LOXL2: variants seen among roughly 807,000 people sequenced by gnomAD.
The protein encoded by LOXL2 is lysyl oxidase homolog 2.
In LOXL2, 70 loss-of-function variants were observed where a neutral mutation model predicts 93.0. That is an observed-to-expected ratio of 0.75 (90% CI 0.62 to 0.92). LOXL2 has a LOEUF of 0.92. Among genes scored for constraint, LOXL2 ranks in the 40% least tolerant of loss-of-function variants. The pLI, the probability that LOXL2 is intolerant of heterozygous loss-of-function variation, is 0.00. For missense variants in LOXL2, 973 were observed against 1,054.9 expected, an observed-to-expected ratio of 0.92 and a Z score of 1.08; for synonymous variants, 438 against 413.2, an observed-to-expected ratio of 1.06 and a Z score of -0.73.
intron 6 of LOXL2, among the ~76,000 whole-genome samples, chr8:23,327,348 G>A (rs1585351219): frequency 6.6e-6 from 1 of 152,260 alleles, no homozygotes; most frequent in East Asian, 1.9e-4. Flanking sequence ...TGAGGCCCTG[G>A]GCTAGTGAGG....
At position 23,350,267 on chromosome 8, in the gene LOXL2, A is replaced by G. The variant is rs145061260; in HGVS notation, c.532-9064T>C. 1.1e-3 allele frequency among the ~76,000 whole-genome samples: 165 copies of G among 152,304 alleles called. 1 individual carries two copies. Among genetic ancestry groups the G allele is most frequent in the African/African-American group, 3.8e-3 (159 of 41,576 alleles). On this transcript the variant is annotated intron_variant, in intron 3 of 13. Transcript: ENST00000389131. ...ATTATCCCCTTTTGATGATCCAATC[A>G]GAAACTCTTAGTTTAAGAGGCTGCT...
chr8:23,384,452 G>T (rs1804726980), intron 1 of LOXL2, among the ~76,000 whole-genome samples: 1 of 152,206 alleles, frequency 6.6e-6, no homozygotes, highest in Non-Finnish European at 1.5e-5. Flanking sequence ...AGAACCAACA[G>T]GGAACGGCAA....
chr8:23,388,685 T>C lies in LOXL2; in HGVS notation c.-84+15269A>G, dbSNP rs149114279. On this transcript the variant is annotated intron_variant, in intron 1 of 13. Coordinates refer to ENST00000389131, the MANE Select transcript of LOXL2 (RefSeq NM_002318.3). The stretch of plus-strand genomic sequence containing the variant: ...CACACACACACTAGAAATGTACATT[T>C]ACTCCAAAGAATATACAATATTAGC... Among the ~76,000 whole-genome samples the C allele has an allele frequency of 2.6e-3, 385 of 149,420 alleles. 2 individuals are homozygous for C. The highest frequency in any genetic ancestry group is 9.2e-3 in the African/African-American group (373 of 40,738).
intron 1 of LOXL2, among the ~76,000 whole-genome samples, chr8:23,391,816 G>A (rs2117236556): frequency 6.6e-6 from 1 of 152,290 alleles, no homozygotes; most frequent in African/African-American, 2.4e-5. Context: ...GAGGGGTTTG[G>A]GTGGTTGGAA....
In LOXL2 at chr8:23,372,221, C is replaced by CTT. The variant is rs71210611; in HGVS notation, c.-83-3789_-83-3788dup. On this transcript the variant is annotated intron_variant, in intron 1 of 13. Coordinates refer to ENST00000389131, the MANE Select transcript of LOXL2 (RefSeq NM_002318.3). ...ACAATTCAGCTTTACATTTCTTTTTCTTTTTTTTTTTTGAGATGGAGTCTT... is the reference window on the plus strand; with the variant it reads ...ACAATTCAGCTTTACATTTCTTTTTCTTTTTTTTTTTTTTGAGATGGAGTCTT... Among the ~76,000 whole-genome samples, 183 of 145,342 alleles carry CTT rather than the reference C, an allele frequency of 1.3e-3. 1 individual carries two copies. The highest frequency in any genetic ancestry group is 3.3e-3 in the African/African-American group (129 of 39,458).
chr8:23,327,122 T>A lies in LOXL2; in HGVS notation c.1150+1260A>T, dbSNP rs115255228. On this transcript the variant is annotated intron_variant, in intron 6 of 13. Coordinates refer to ENST00000389131, the MANE Select transcript of LOXL2 (RefSeq NM_002318.3). Reference sequence around the variant, plus strand: ...CATTTCAGGACTCTCTCGAGGCCACTGGAATGCGGGCTTCCTTCCAACGTC... The same window carrying A: ...CATTTCAGGACTCTCTCGAGGCCACAGGAATGCGGGCTTCCTTCCAACGTC... Among the ~76,000 whole-genome samples the A allele has an allele frequency of 7.0e-4, 106 of 152,330 alleles. 1 individual carries two copies. Among genetic ancestry groups the A allele is most frequent in the African/African-American group, 2.5e-3 (104 of 41,566 alleles).
At chr8:23,373,292 C>T (rs1018956441) in intron 1 of LOXL2, among the ~76,000 whole-genome samples, 6 of 152,154 alleles carry the variant, frequency 3.9e-5, no homozygotes, top group African/African-American at 1.4e-4. Flanking sequence ...GTCTGAACTA[C>T]CTGAGCCAGC....
At chr8:23,362,383 G>A (rs966748592) in intron 2 of LOXL2, among the ~76,000 whole-genome samples, 1 of 152,222 alleles carries the variant, frequency 6.6e-6, no homozygotes, top group African/African-American at 2.4e-5. Context: ...AAGTTCTGCT[G>A]ATGATGGTTG....
At chr8:23,338,729 C>A (rs1803835838) in intron 4 of LOXL2, among the ~76,000 whole-genome samples, 1 of 152,204 alleles carries the variant, frequency 6.6e-6, no homozygotes, top group South Asian at 2.1e-4. Flanking sequence ...GGTCCTCAGT[C>A]TGCCTTCCAG....
chr8:23,356,186 C>A (rs1053795635), intron 3 of LOXL2, among the ~76,000 whole-genome samples: 1 of 152,202 alleles, frequency 6.6e-6, no homozygotes, highest in Non-Finnish European at 1.5e-5. Flanking sequence ...GAGGCCGGAA[C>A]AGAGCCCTAG....
chr8:23,361,627 G>T (rs1166820609), intron 2 of LOXL2, among the ~76,000 whole-genome samples: 1 of 152,152 alleles, frequency 6.6e-6, no homozygotes, highest in African/African-American at 2.4e-5. Flanking sequence ...TGGATCACAA[G>T]ATCAGGAGAT....
chr8:23,299,789 A>G (rs1449380287), intron 12 of LOXL2, among the ~76,000 whole-genome samples: 2 of 152,202 alleles, frequency 1.3e-5, no homozygotes, highest in African/African-American at 4.8e-5. Context: ...GTTCAGGAAC[A>G]TTCTCTAAAT....
At chr8:23,360,029 C>G (rs563417623) in intron 3 of LOXL2, 61 bp downstream of exon 3, 21 of 1,478,154 alleles carry the variant, frequency 1.4e-5, no homozygotes, top group Non-Finnish European at 1.8e-5. Context: ...ACGCAAAAAG[C>G]GAGTTGCATG....
At chr8:23,366,884 C>T (rs1475737568) in intron 2 of LOXL2, among the ~76,000 whole-genome samples, 1 of 152,182 alleles carries the variant, frequency 6.6e-6, no homozygotes, top group Non-Finnish European at 1.5e-5. Context: ...GTCAGGGTTT[C>T]AGGGGTTCTT....
Position 23,340,978 on chromosome 8 carries a change from T to C in LOXL2, c.743+14A>G. 5.6e-6 allele frequency: 9 copies of C among 1,609,994 alleles called. No homozygotes were observed. Among genetic ancestry groups the C allele is most frequent in the Non-Finnish European group, 7.7e-6 (9 of 1,176,366 alleles). On this transcript the variant is annotated intron_variant, in intron 4 of 13. Transcript: ENST00000389131. ...GATACCCTCAAAGCCACCCCTTTGG[T>C]GCAGTCCTCTTACTTGTACACTTTG... is the stretch of plus-strand genomic sequence containing the variant.
chr8:23,395,243 A>T (rs1800075866), intron 1 of LOXL2, among the ~76,000 whole-genome samples: 1 of 150,768 alleles, frequency 6.6e-6, no homozygotes, highest in Admixed American at 6.6e-5. Context: ...ACAGAGCAAG[A>T]TTCCGTCTCA....
chr8:23,395,966 G>A (rs1208570984), intron 1 of LOXL2, among the ~76,000 whole-genome samples: 2 of 152,118 alleles, frequency 1.3e-5, no homozygotes, highest in Non-Finnish European at 2.9e-5. Flanking sequence ...GAGCCACTGT[G>A]CCTGGCCTTA....
intron 10 of LOXL2, 44 bp downstream of exon 10, chr8:23,309,624 G>A (rs1803289754): frequency 1.5e-6 from 2 of 1,373,096 alleles, no homozygotes; most frequent in East Asian, 6.0e-5. Context: ...CCTGCAGGAT[G>A]TCCGCCGGGC....
chr8:23,382,387 A>G (rs543612468), intron 1 of LOXL2: 1 of 152,134 alleles, frequency 6.6e-6, no homozygotes, highest in Non-Finnish European at 1.5e-5. Flanking sequence ...ATGGTGGCAC[A>G]TGCCTGTAGT....
Sources: allele counts gnomAD v4.1 joint callset (sites outside exome capture counted in the v4.1 genomes callset), GRCh38; gene constraint gnomAD v4.1.1; transcripts MANE v1.5; gene names NCBI Gene and HGNC (gene_info 2026-07-23, HGNC 2026-07-21).